The following SHISAL1 variants were observed in gnomAD, a reference collection of about 807,000 sequenced individuals.
The protein encoded by SHISAL1 is protein shisa-like-1.
In SHISAL1, 9 loss-of-function variants were observed where a neutral mutation model predicts 22.6. The observed-to-expected ratio is 0.40, with a 90% CI of 0.24 to 0.70. SHISAL1 has a LOEUF of 0.70. Among genes scored for constraint, SHISAL1 ranks in the 30% least tolerant of loss-of-function variants. The pLI, the probability that SHISAL1 is intolerant of heterozygous loss-of-function variation, is 0.39. For missense variants in SHISAL1, 246 were observed against 270.6 expected, an observed-to-expected ratio of 0.91 and a Z score of 0.64; for synonymous variants, 119 against 115.4, an observed-to-expected ratio of 1.03 and a Z score of -0.20.
chr22:44,280,954 A>G (rs1055780854), intron 4 of SHISAL1, among the ~76,000 whole-genome samples: 2 of 152,144 alleles, frequency 1.3e-5, no homozygotes, highest in Non-Finnish European at 2.9e-5. Flanking sequence ...GGCACCTCCC[A>G]GGACCCAGGC....
intron 2 of SHISAL1, among the ~76,000 whole-genome samples, chr22:44,300,424 C>T (rs763098097): frequency 6.6e-5 from 10 of 152,198 alleles, no homozygotes; most frequent in African/African-American, 1.4e-4. Context: ...AGCCCACCTG[C>T]GACCTCAACT....
At chr22:44,318,431 C>A in the SHISAL1 span, among the ~76,000 whole-genome samples, 4 of 152,206 alleles carry the variant, frequency 2.6e-5, no homozygotes, top group Non-Finnish European at 5.9e-5. Flanking sequence ...GTGCAGAATG[C>A]CAGGGGGAAG....
At chr22:44,297,634 C>T (rs1285963865) in intron 2 of SHISAL1, among the ~76,000 whole-genome samples, 1 of 152,248 alleles carries the variant, frequency 6.6e-6, no homozygotes, top group Non-Finnish European at 1.5e-5. Flanking sequence ...GGGGCGGAGG[C>T]CCCTATTCAG....
intron 3 of SHISAL1, among the ~76,000 whole-genome samples, chr22:44,287,640 C>A (rs760701271): frequency 2.0e-5 from 3 of 152,232 alleles, no homozygotes; most frequent in Admixed American, 6.5e-5. Context: ...CAGGCCCCAG[C>A]GGCCTTATGT....
At chr22:44,320,511 G>C in the SHISAL1 span, among the ~76,000 whole-genome samples, 1 of 152,226 alleles carries the variant, frequency 6.6e-6, no homozygotes. Context: ...GAGAGGGAGA[G>C]AAAATAGCTT....
rs1601791042 is a variant in SHISAL1, at chr22:44,282,064, C to T, written c.599+3364G>A. Reference sequence around the variant, plus strand: ...GGGCTGTGTGGGGCTGAGCCACTGCCGCCAGGGCCTTCAATACTGCTGTTC... The same window carrying T: ...GGGCTGTGTGGGGCTGAGCCACTGCTGCCAGGGCCTTCAATACTGCTGTTC... On this transcript the variant is annotated intron_variant, in intron 4 of 4. Transcript: ENST00000381176. Among the ~76,000 whole-genome samples, 3 of 152,226 alleles carry T rather than the reference C, an allele frequency of 2.0e-5. No individual in the cohort carries two copies. The South Asian group carries it at 6.2e-4, about 32-fold the overall frequency.
At chr22:44,290,539 A>AAAAAAAAAAAAC (rs1377709388) in intron 3 of SHISAL1, among the ~76,000 whole-genome samples, 5 of 148,126 alleles carry the variant, frequency 3.4e-5, no homozygotes, top group African/African-American at 1.1e-4. Context: ...CAAAAAAAAA[A>AAAAAAAAAAAAC]AAAAACAAAA....
intron 4 of SHISAL1, among the ~76,000 whole-genome samples, chr22:44,265,034 G>T (rs767961038): frequency 9.9e-5 from 15 of 152,024 alleles, no homozygotes; most frequent in Non-Finnish European, 1.9e-4. Context: ...CCAGAGTGTT[G>T]ACTTTTCCCT....
intron 3 of SHISAL1, among the ~76,000 whole-genome samples, chr22:44,287,765 G>A (rs952984427): frequency 3.9e-5 from 6 of 152,190 alleles, no homozygotes; most frequent in African/African-American, 1.4e-4. Flanking sequence ...TGCTGGGGCA[G>A]GTGTCCCCGG....
chr22:44,321,369 T>C, the SHISAL1 span, among the ~76,000 whole-genome samples: 220 of 152,328 alleles, frequency 1.4e-3, no homozygotes, highest in Non-Finnish European at 2.5e-3. Context: ...TGGTTCCCTC[T>C]GCCTCAAATA....
chr22:44,258,812 T>G (rs2055101916), intron 4 of SHISAL1, among the ~76,000 whole-genome samples: 2 of 152,174 alleles, frequency 1.3e-5, no homozygotes, highest in Non-Finnish European at 2.9e-5. Context: ...TGAAAACACT[T>G]CCATGTTCCC....
chr22:44,287,013 G>T lies in SHISAL1; in HGVS notation c.282-1268C>A, dbSNP rs567127749. ...ACATCCCCAGGGAGAGACTCACCTC[G>T]CTCTCGCCCAGACGGAGGTCTCGCG... On this transcript the variant is annotated intron_variant, in intron 3 of 4. Transcript: ENST00000381176. Among the ~76,000 whole-genome samples, 3 of 152,352 alleles carry T rather than the reference G, an allele frequency of 2.0e-5. No individual in the cohort carries two copies. The South Asian group carries it at 6.2e-4, about 32-fold the overall frequency.
intron 4 of SHISAL1, among the ~76,000 whole-genome samples, chr22:44,277,560 C>T (rs1396409767): frequency 6.6e-6 from 1 of 152,230 alleles, no homozygotes; most frequent in Non-Finnish European, 1.5e-5. Flanking sequence ...CGCTGGGCCG[C>T]ACCTCCTAGG....
chr22:44,297,578 G>A (rs1009245367), intron 2 of SHISAL1, among the ~76,000 whole-genome samples: 6 of 152,234 alleles, frequency 3.9e-5, no homozygotes, highest in South Asian at 4.1e-4. Flanking sequence ...CCCACCTCAC[G>A]GTGGTAGCTC....
intron 4 of SHISAL1, among the ~76,000 whole-genome samples, chr22:44,249,964 G>C (rs2055035645): frequency 1.3e-5 from 2 of 152,216 alleles, no homozygotes; most frequent in African/African-American, 2.4e-5. Context: ...ACAGTTAATT[G>C]TGGATAACTT....
chr22:44,279,959 T>A (rs886656209), intron 4 of SHISAL1, among the ~76,000 whole-genome samples: 3 of 152,152 alleles, frequency 2.0e-5, no homozygotes, highest in African/African-American at 7.2e-5. Flanking sequence ...GATGTACACA[T>A]GATCGATCCC....
At chr22:44,313,935 T>C (rs2055540146), upstream of SHISAL1, among the ~76,000 whole-genome samples, 1 of 152,042 alleles carries the variant, frequency 6.6e-6, no homozygotes, top group Admixed American at 6.5e-5. Context: ...GTCCCAACAA[T>C]GGCAGCCCAG....
At chr22:44,318,666 C>A in the SHISAL1 span, among the ~76,000 whole-genome samples, 1 of 152,250 alleles carries the variant, frequency 6.6e-6, no homozygotes, top group African/African-American at 2.4e-5. Context: ...AGAGCCCACG[C>A]TAGGTGGTTA....
At chr22:44,294,268 G>C (rs2055371559) in intron 3 of SHISAL1, among the ~76,000 whole-genome samples, 1 of 152,198 alleles carries the variant, frequency 6.6e-6, no homozygotes, top group Admixed American at 6.5e-5. Flanking sequence ...AGAGATTCAA[G>C]GGAAGCACCC....
Sources: allele counts gnomAD v4.1 joint callset (sites outside exome capture counted in the v4.1 genomes callset), GRCh38; gene constraint gnomAD v4.1.1; transcripts MANE v1.5; gene names NCBI Gene and HGNC (gene_info 2026-07-23, HGNC 2026-07-21).